The following SLC5A4 variants were observed in gnomAD, a reference collection of about 807,000 sequenced individuals.
The protein encoded by SLC5A4 is solute carrier family 5 member 4.
A neutral mutation model predicts 70.3 loss-of-function variants in SLC5A4; 55 were observed. The observed-to-expected ratio is 0.78, with a 90% CI of 0.63 to 0.98. SLC5A4 has a LOEUF of 0.98. Ranked by LOEUF, SLC5A4 falls within the 50% of genes least tolerant of loss-of-function variation. The pLI is 0.00. For synonymous variants in SLC5A4, 268 were observed against 305.7 expected (o/e 0.88, Z 1.29); for missense variants, 735 against 839.2 (o/e 0.88, Z 1.53).
In SLC5A4 at chr22:32,224,363, T is replaced by G; in HGVS notation, c.1569A>C (p.Gly523=). The G allele has an allele frequency of 1.9e-6, 3 of 1,613,952 alleles. No individual in the cohort carries two copies. Among genetic ancestry groups the G allele is most frequent in the Non-Finnish European group, 2.5e-6 (3 of 1,179,864 alleles). ...APSNCPKIIC[G]VHYLYFSIVL... is the part of the protein sequence containing the mutation. ...CGATGGAAAAGTACAGATAGTGCAC[T>G]CCACAGATAATCTTGGGACAGTTAC... The change falls in exon 13 of 15, where the codon GGA becomes GGC. Residue 523 remains glycine, a synonymous_variant. Transcript: ENST00000266086.
intron 13 of SLC5A4, among the ~76,000 whole-genome samples, chr22:32,223,373 C>G (rs1407293698): frequency 1.3e-5 from 2 of 152,184 alleles, no homozygotes; most frequent in Non-Finnish European, 2.9e-5. Flanking sequence ...AATTGCTTTA[C>G]TATAAATTAC....
rs935232154 is a variant in SLC5A4 at position 32,234,779 on chromosome 22, T to A, written c.885+94A>T. 17 of 929,430 alleles carry A rather than the reference T, an allele frequency of 1.8e-5. No homozygotes were observed. In the African/African-American group the frequency reaches 2.8e-4, roughly 15 times the overall value. The allele number at this position is 929,430 out of a possible 1,614,324, so 57.6% of individuals were successfully genotyped here. ...TGTGTGCAAAATGGAAACTAAATGT[T>A]TTTCTATGAGACAAGAAAGAACAAG... is the stretch of plus-strand genomic sequence containing the variant. On this transcript the variant is annotated intron_variant, in intron 8 of 14. Coordinates refer to ENST00000266086, the MANE Select transcript of SLC5A4 (RefSeq NM_014227.3).
At chr22:32,237,715 T>C (rs1002500702) in intron 6 of SLC5A4, among the ~76,000 whole-genome samples, 3 of 152,206 alleles carry the variant, frequency 2.0e-5, no homozygotes, top group African/African-American at 7.2e-5. Flanking sequence ...CTGGAACGTA[T>C]TATTGTTTCA....
chr22:32,261,068 A>G, the SLC5A4 span, among the ~76,000 whole-genome samples: 3 of 151,624 alleles, frequency 2.0e-5, no homozygotes, highest in African/African-American at 7.3e-5. Context: ...GCAAAAAAAA[A>G]AAAAAGTCAC....
At chr22:32,281,320 C>T in the SLC5A4 span, among the ~76,000 whole-genome samples, 204 of 152,214 alleles carry the variant, frequency 1.3e-3, no homozygotes, top group Middle Eastern at 3.4e-3. Flanking sequence ...CCAACGGGGC[C>T]GCATCTGAGC....
chr22:32,281,462 C>G, the SLC5A4 span, among the ~76,000 whole-genome samples: 1 of 152,216 alleles, frequency 6.6e-6, no homozygotes, highest in Admixed American at 6.5e-5. Context: ...GTTTTGTGCA[C>G]TGCCACAGGT....
At chr22:32,223,206 A>T (rs757480689) in intron 13 of SLC5A4, among the ~76,000 whole-genome samples, 6 of 152,096 alleles carry the variant, frequency 3.9e-5, no homozygotes, top group Non-Finnish European at 8.8e-5. Context: ...TGAAATCTGG[A>T]TTTTCTCCCA....
the SLC5A4 span, chr22:32,271,207 C>A: frequency 2.6e-6 from 2 of 770,352 alleles, no homozygotes; most frequent in East Asian, 5.9e-5. Flanking sequence ...CCCCGACTGG[C>A]GGCTGGTGTT....
At chr22:32,353,722 C>T in the SLC5A4 span, among the ~76,000 whole-genome samples, 1 of 151,802 alleles carries the variant, frequency 6.6e-6, no homozygotes, top group East Asian at 1.9e-4. Flanking sequence ...CACTGCAGCA[C>T]CCAATGGCGC....
chr22:32,228,837 T>A (rs1925562973), intron 11 of SLC5A4, among the ~76,000 whole-genome samples: 2 of 152,138 alleles, frequency 1.3e-5, no homozygotes, highest in Non-Finnish European at 2.9e-5. Flanking sequence ...GTGATATACA[T>A]GGAAACTGCT....
the SLC5A4 span, among the ~76,000 whole-genome samples, chr22:32,283,306 C>T: frequency 6.6e-6 from 1 of 152,244 alleles, no homozygotes; most frequent in African/African-American, 2.4e-5. Flanking sequence ...CTCACACCCT[C>T]ACCTCCTTTA....
chr22:32,352,438 C>T, the SLC5A4 span, among the ~76,000 whole-genome samples: 16 of 151,524 alleles, frequency 1.1e-4, no homozygotes, highest in Admixed American at 1.0e-3. Context: ...ACTACCCTGA[C>T]AAAAAACCAA....
At chr22:32,269,812 T>C in the SLC5A4 span, 3 of 676,640 alleles carry the variant, frequency 4.4e-6, no homozygotes, top group African/African-American at 3.5e-5. This position sits in a 1 kb window ranked among gnomAD's most constrained non-coding sequence, Gnocchi z 4.1. Context: ...CATGACAAGA[T>C]GGTCATCTCC....
At chr22:32,327,712 C>G in the SLC5A4 span, among the ~76,000 whole-genome samples, 1 of 151,088 alleles carries the variant, frequency 6.6e-6, no homozygotes, top group African/African-American at 2.4e-5. Context: ...CAGACCTGTC[C>G]TCCTGACAGG....
chr22:32,280,384 G>T, the SLC5A4 span, among the ~76,000 whole-genome samples: 1 of 152,090 alleles, frequency 6.6e-6, no homozygotes, highest in Non-Finnish European at 1.5e-5. Flanking sequence ...CCCACCTCTG[G>T]GAATTCCCGT....
chr22:32,245,544 G>A (rs1227541357), intron 5 of SLC5A4, among the ~76,000 whole-genome samples: 1 of 151,964 alleles, frequency 6.6e-6, no homozygotes, highest in Non-Finnish European at 1.5e-5. Flanking sequence ...TTTTTGAGAC[G>A]GAGTCTCGCT....
At position 32,221,038 on chromosome 22, in the gene SLC5A4, A is replaced by G; in HGVS notation, c.1666-16T>C. 3 of 1,532,346 alleles carry G rather than the reference A, an allele frequency of 2.0e-6. No individual in the cohort carries two copies. The highest frequency in any genetic ancestry group is 2.7e-6 in the Non-Finnish European group (3 of 1,106,114). The allele number at this position is 1,532,346 out of a possible 1,614,324, so 94.9% of individuals were successfully genotyped here. A position where few individuals can be genotyped will look rare whatever the true frequency, so the allele number is the denominator to read the frequency against. On this transcript the variant is annotated splice_polypyrimidine_tract_variant and intron_variant, in intron 13 of 14. Transcript: ENST00000266086. Reference sequence around the variant, plus strand: ...GGCGGTACAGCTGAACAGGGACCATACAAAAGTGCATTAGTAATAGGCAAA... The same window carrying G: ...GGCGGTACAGCTGAACAGGGACCATGCAAAAGTGCATTAGTAATAGGCAAA...
chr22:32,312,290 C>G, the SLC5A4 span, among the ~76,000 whole-genome samples: 1 of 151,770 alleles, frequency 6.6e-6, no homozygotes, highest in African/African-American at 2.4e-5. Context: ...CCGCGCCCAT[C>G]AGAGAACTTG....
chr22:32,229,070 T>G, intron 11 of SLC5A4, 124 bp downstream of exon 11: 1 of 842,222 alleles, frequency 1.2e-6, no homozygotes, highest in South Asian at 2.2e-5. Flanking sequence ...TGTACTCCAA[T>G]GTCTCTTCCC....
Sources: allele counts gnomAD v4.1 joint callset (sites outside exome capture counted in the v4.1 genomes callset), GRCh38; gene constraint gnomAD v4.1.1; non-coding constraint Gnocchi (gnomAD v3.1); transcripts MANE v1.5; gene names NCBI Gene and HGNC (gene_info 2026-07-23, HGNC 2026-07-21).